ADRA1B: variants seen among roughly 807,000 people sequenced by gnomAD.
ADRA1B encodes adrenoceptor alpha 1B, also known as alpha-1B adrenergic receptor.
ADRA1B carries 17 observed loss-of-function variants against 17.9 expected under a neutral mutation model. The ratio of observed to expected loss-of-function variants is 0.95; its 90% CI spans 0.65 to 1.42. The LOEUF is 1.42. Ranked by LOEUF, ADRA1B falls within the 40% of genes most tolerant of loss-of-function variation. ADRA1B has a pLI of 0.00. For missense variants in ADRA1B, 681 were observed against 722.1 expected (o/e 0.94, Z 0.65); for synonymous variants, 366 against 327.6 (o/e 1.12, Z -1.27).
intron 1 of ADRA1B, among the ~76,000 whole-genome samples, chr5:159,934,073 C>T (rs1187008751): frequency 1.3e-5 from 2 of 152,214 alleles, no homozygotes; most frequent in Non-Finnish European, 2.9e-5. Context: ...CTCAATTGAG[C>T]ACCACTCAAG....
At chr5:159,906,099 C>T (rs1376173779) in intron 1 of ADRA1B, among the ~76,000 whole-genome samples, 3 of 152,262 alleles carry the variant, frequency 2.0e-5, no homozygotes, top group East Asian at 3.9e-4. Context: ...AGGTGATCTG[C>T]CAGCCTCAGC....
At chr5:159,900,359 C>A (rs1038406646) in intron 1 of ADRA1B, among the ~76,000 whole-genome samples, 1 of 152,218 alleles carries the variant, frequency 6.6e-6, no homozygotes, top group African/African-American at 2.4e-5. Flanking sequence ...AAGTGGAATA[C>A]ATCTTTCCGT....
At chr5:159,884,636 A>G (rs1209334246) in intron 1 of ADRA1B, among the ~76,000 whole-genome samples, 1 of 152,226 alleles carries the variant, frequency 6.6e-6, no homozygotes, top group African/African-American at 2.4e-5. Flanking sequence ...ACAGACTAAG[A>G]CAGGTTGTTT....
intron 1 of ADRA1B, among the ~76,000 whole-genome samples, chr5:159,906,683 G>T (rs967739789): frequency 2.6e-5 from 4 of 152,130 alleles, no homozygotes; most frequent in Non-Finnish European, 5.9e-5. Flanking sequence ...CCAGGCTCTT[G>T]ATGGAGCAGG....
chr5:159,945,969 G>A (rs1037600711), intron 1 of ADRA1B, among the ~76,000 whole-genome samples: 4 of 152,102 alleles, frequency 2.6e-5, no homozygotes. Context: ...GGATGGTCTT[G>A]ATCTTCTGAC....
At chr5:159,950,617 A>G in intron 1 of ADRA1B, 1 of 889,026 alleles carries the variant, frequency 1.1e-6, no homozygotes, top group Non-Finnish European at 1.9e-6. Context: ...CCCAGCATCA[A>G]AGGTGGAGGA....
chr5:159,927,672 A>G (rs1365657801), intron 1 of ADRA1B, among the ~76,000 whole-genome samples: 1 of 152,188 alleles, frequency 6.6e-6, no homozygotes, highest in African/African-American at 2.4e-5. Context: ...TATACTTATT[A>G]TAATAACCCT....
chr5:159,893,148 G>A (rs943614889), intron 1 of ADRA1B, among the ~76,000 whole-genome samples: 1 of 152,106 alleles, frequency 6.6e-6, no homozygotes, highest in South Asian at 2.1e-4. Flanking sequence ...ATGGTTTCCT[G>A]GAACTTATAT....
intron 1 of ADRA1B, among the ~76,000 whole-genome samples, chr5:159,952,145 G>A (rs1297260713): frequency 6.6e-6 from 1 of 151,948 alleles, no homozygotes; most frequent in Non-Finnish European, 1.5e-5. Flanking sequence ...TTGCCTTTTG[G>A]TACAGGAGGC....
intron 1 of ADRA1B, among the ~76,000 whole-genome samples, chr5:159,884,844 A>T (rs1301426093): frequency 6.6e-6 from 1 of 152,236 alleles, no homozygotes; most frequent in Admixed American, 6.5e-5. Flanking sequence ...AAGGCTTCCC[A>T]TATGTACAAC....
intron 1 of ADRA1B, among the ~76,000 whole-genome samples, chr5:159,904,399 A>C (rs1188147599): frequency 2.6e-5 from 4 of 152,230 alleles, no homozygotes; most frequent in Non-Finnish European, 4.4e-5. Flanking sequence ...AGGTTCTAGG[A>C]GACCTGCTTT....
chr5:159,972,290 T>C lies in ADRA1B; in HGVS notation c.1361T>C (p.Leu454Pro). ...FPEWKAPGAL[L>P]SLPAPEPPGR... The stretch of plus-strand genomic sequence containing the variant: ...GAGTGGAAGGCGCCCGGCGCCCTCC[T>C]GAGCCTGCCCGCGCCTGAGCCCCCC... Residue 454 changes from leucine (L) to proline (P), a missense_variant, in exon 2 of 2, where the codon CTG becomes CCG. Physicochemically the swap from Leu to Pro is moderately conservative, Grantham distance 98. Coordinates refer to ENST00000306675, the MANE Select transcript of ADRA1B (RefSeq NM_000679.4). The C allele has an allele frequency of 1.4e-6, 2 of 1,415,246 alleles. No individual in the cohort carries two copies. Among genetic ancestry groups the C allele is most frequent in the Non-Finnish European group, 9.2e-7 (1 of 1,089,386 alleles). 87.7% of individuals were successfully genotyped at this position (1,415,246 alleles called of 1,614,324 possible).
rs999841654 is a variant in ADRA1B, at chr5:159,972,815, C to A, written c.*323C>A. On this transcript the variant is annotated 3_prime_UTR_variant, in exon 2 of 2. Transcript: ENST00000306675. The stretch of plus-strand genomic sequence containing the variant: ...GTGGGTGCACGTGAGTGTGACTGTG[C>A]GGTGTGCGTGTGTTCCGCTTGTGTG... 6.6e-6 allele frequency among the ~76,000 whole-genome samples: 1 copy of A among 152,090 alleles called. No individual in the cohort carries two copies. Among genetic ancestry groups the A allele is most frequent in the Non-Finnish European group, 1.5e-5 (1 of 68,016 alleles).
chr5:159,953,760 A>T (rs1755496116), intron 1 of ADRA1B, among the ~76,000 whole-genome samples: 1 of 152,210 alleles, frequency 6.6e-6, no homozygotes, highest in African/African-American at 2.4e-5. Flanking sequence ...GCTCAGATGC[A>T]GGCATCTAAG....
intron 1 of ADRA1B, among the ~76,000 whole-genome samples, chr5:159,967,355 G>A (rs1367021918): frequency 6.6e-6 from 1 of 152,094 alleles, no homozygotes; most frequent in Non-Finnish European, 1.5e-5. Flanking sequence ...AATTCTATGG[G>A]GTACAGAATA....
At chr5:159,878,294 G>A (rs977691873) in intron 1 of ADRA1B, among the ~76,000 whole-genome samples, 1 of 152,184 alleles carries the variant, frequency 6.6e-6, no homozygotes, top group Non-Finnish European at 1.5e-5. Flanking sequence ...CACAGGGTTT[G>A]CACTGGGCAG....
In ADRA1B at chr5:159,951,051, A is replaced by C. The variant is rs913683470; in HGVS notation, c.950-20828A>C. 12 of 707,602 alleles carry C rather than the reference A, an allele frequency of 1.7e-5. No individual in the cohort carries two copies. In the African/African-American group the frequency reaches 1.9e-4, roughly 11 times the overall value. The allele number at this position is 707,602 out of a possible 1,614,324, so 43.8% of individuals were successfully genotyped here. A position where few individuals can be genotyped will look rare whatever the true frequency, so the allele number is the denominator to read the frequency against. ...GGCACTAAGCAGTTGGTGGTGCAGG[A>C]GGCATAGCTGACGATATTGAGTCTG... On this transcript the variant is annotated intron_variant, in intron 1 of 1. Transcript: ENST00000306675.
chr5:159,931,293 C>A (rs1452111318), intron 1 of ADRA1B, among the ~76,000 whole-genome samples: 2 of 151,390 alleles, frequency 1.3e-5, no homozygotes, highest in Non-Finnish European at 2.9e-5. Context: ...ACTAGGGAGG[C>A]TGAGTGGGGA....
rs1343033289 is a variant in ADRA1B, at chr5:159,916,705, T to C, written c.-201T>C. 5.5e-6 allele frequency: 3 copies of C among 546,248 alleles called. No individual in the cohort carries two copies. The highest frequency in any genetic ancestry group is 9.7e-6 in the Non-Finnish European group (3 of 307,704). 33.8% of individuals were successfully genotyped at this position (546,248 alleles called of 1,614,324 possible). ...CGTCCCCTCTCCTCCTCCTCCTCCC[T>C]CTGACAGGCGAGCGAGCGACTCGGT... On this transcript the variant is annotated 5_prime_UTR_variant, in exon 1 of 2. Transcript: ENST00000306675.
Sources: gnomAD v4.1 joint callset for allele counts (sites outside exome capture counted in the v4.1 genomes callset) on GRCh38, gnomAD v4.1.1 for gene constraint, MANE v1.5 for transcripts, NCBI Gene and HGNC (gene_info 2026-07-23, HGNC 2026-07-21) for gene names.